FAT1: variants seen among roughly 807,000 people sequenced by gnomAD.
The protein encoded by FAT1 is FAT atypical cadherin 1.
FAT1 carries 171 observed loss-of-function variants against 329.8 expected under a neutral mutation model. The ratio of observed to expected loss-of-function variants is 0.52; its 90% CI spans 0.46 to 0.59. FAT1 has a LOEUF of 0.59. Among genes scored for constraint, FAT1 ranks in the 20% least tolerant of loss-of-function variants. The probability of loss-of-function intolerance (pLI) is 0.00; values close to 1 mark genes in which losing one functional copy is unlikely to be tolerated. For missense variants in FAT1, 5,672 were observed against 5,774.4 expected (o/e 0.98, Z 0.57); for synonymous variants, 2,233 against 2,228.6 (o/e 1.00, Z -0.06).
At position 186,709,373 on chromosome 4, in the gene FAT1, G is replaced by C. The variant is rs1384990711; in HGVS notation, c.455C>G (p.Thr152Ser). The change falls in exon 2 of 27, where the codon ACC becomes AGC. Residue 152 changes from threonine to serine, a missense_variant. Thr to Ser is a moderately conservative substitution (Grantham distance 58, BLOSUM62 1). Coordinates refer to ENST00000441802, the MANE Select transcript of FAT1 (RefSeq NM_005245.4). ...TTCAGGTAAAGAAACGCTGTATGAG[G>C]TGGGTGAGAATAACGGTCTCAAGTC... ...TNDLRPLFSPTSYSVSLPENT... is the reference protein window; with the variant it reads ...TNDLRPLFSPSSYSVSLPENT... 2 of 1,613,860 alleles carry C rather than the reference G, an allele frequency of 1.2e-6. No individual in the cohort carries two copies. The highest frequency in any genetic ancestry group is 2.7e-5 in the African/African-American group (2 of 74,906).
At position 186,597,993 on chromosome 4, in the gene FAT1, C is replaced by T. The variant is rs2126401717; in HGVS notation, c.12236G>A (p.Arg4079Lys). The change falls in exon 23 of 27, where the codon AGA becomes AAA. Residue 4079 changes from arginine (R) to lysine (K), a missense_variant. Arg to Lys is a conservative substitution (Grantham distance 26). Around this residue, in one of 2 missense-constraint regions of FAT1, gnomAD observed 1,706 missense variants for 1,859.1 expected, o/e 0.92. Coordinates refer to ENST00000441802, the MANE Select transcript of FAT1 (RefSeq NM_005245.4). The part of the protein sequence containing the change: ...VDNGGFVCQC[R>K]GLYTGQRCQL... ...ATACCTCTGACCAGTATATAATCCTCTACACTGGCAAACAAAGCCTCCGTT... is the reference window on the plus strand; with the variant it reads ...ATACCTCTGACCAGTATATAATCCTTTACACTGGCAAACAAAGCCTCCGTT... 6.2e-7 allele frequency: 1 copy of T among 1,612,902 alleles called. No individual in the cohort carries two copies. The highest frequency in any genetic ancestry group is 8.5e-7 in the Non-Finnish European group (1 of 1,179,620).
rs373932048 is a variant in FAT1 at position 186,709,044 on chromosome 4, A to T, written c.784T>A (p.Leu262Met). The T allele has an allele frequency of 2.5e-6, 4 of 1,613,802 alleles. No individual in the cohort carries two copies. Among genetic ancestry groups the T allele is most frequent in the Non-Finnish European group, 3.4e-6 (4 of 1,179,872 alleles). The part of the protein sequence containing the change: ...ECAPVITAVT[L>M]SPSELDRDPA... ...TCCCTGTCCAGTTCTGATGGTGACAATGTCACTGCTGTTATCACCGGAGCA... is the reference window on the plus strand; with the variant it reads ...TCCCTGTCCAGTTCTGATGGTGACATTGTCACTGCTGTTATCACCGGAGCA... The change falls in exon 2 of 27, where the codon TTG becomes ATG. Residue 262 changes from leucine (L) to methionine (M), a missense_variant. By Grantham distance (15) the Leu-to-Met change is conservative. Around this residue, in one of 2 missense-constraint regions of FAT1, gnomAD observed 3,966 missense variants for 3,915.2 expected, o/e 1.01. Transcript: ENST00000441802.
intron 2 of FAT1, among the ~76,000 whole-genome samples, chr4:186,699,660 A>G (rs906722740): frequency 2.6e-5 from 4 of 151,802 alleles, no homozygotes; most frequent in African/African-American, 9.7e-5. Context: ...TGTATGGAGC[A>G]TGCACTATTT....
At chr4:186,610,175 A>G (rs1739336093) in intron 14 of FAT1, 160 bp from the exon 15 acceptor site, 2 of 589,510 alleles carry the variant, frequency 3.4e-6, no homozygotes, top group Middle Eastern at 4.5e-4. Context: ...AACAATTAAA[A>G]ACTATGAATC....
intron 22 of FAT1, 91 bp downstream of exon 22, chr4:186,599,807 A>G: frequency 9.9e-7 from 1 of 1,007,790 alleles, no homozygotes. Flanking sequence ...ATCTGAATCA[A>G]AAGAGAAAAA....
chr4:186,622,452 C>T (rs917785624), intron 9 of FAT1, among the ~76,000 whole-genome samples: 3 of 152,168 alleles, frequency 2.0e-5, no homozygotes, highest in African/African-American at 7.2e-5. Flanking sequence ...GAGGGTGCTC[C>T]TGGCGTCTCG....
At chr4:186,690,779 C>A (rs1037498116) in intron 2 of FAT1, among the ~76,000 whole-genome samples, 3 of 152,024 alleles carry the variant, frequency 2.0e-5, no homozygotes, top group African/African-American at 7.2e-5. Context: ...TCTAAACTTG[C>A]ATTTGAAATG....
intron 1 of FAT1, among the ~76,000 whole-genome samples, chr4:186,719,465 G>A (rs922897460): frequency 1.3e-5 from 2 of 152,088 alleles, no homozygotes; most frequent in African/African-American, 4.8e-5. Context: ...AGAGACCAAG[G>A]GACAACTATA....
Position 186,620,177 on chromosome 4 carries a change from G to A in FAT1, c.6409C>T (p.Leu2137=), listed in dbSNP as rs746638999. 3 of 1,613,882 alleles carry A rather than the reference G, an allele frequency of 1.9e-6. No individual in the cohort carries two copies. The highest frequency in any genetic ancestry group is 2.5e-6 in the Non-Finnish European group (3 of 1,179,894). Residue 2137 remains leucine (L), a synonymous_variant, in exon 10 of 27, where the codon CTG becomes TTG. Transcript: ENST00000441802. The part of the protein sequence containing the change: ...FQIGPLGEIS[L]KKQFELDTLN... Reference sequence around the variant, plus strand: ...GTGTCAAGCTCAAATTGCTTTTTCAGTGAAATTTCACCCAAGGGTCCAATT... The same window carrying A: ...GTGTCAAGCTCAAATTGCTTTTTCAATGAAATTTCACCCAAGGGTCCAATT...
chr4:186,716,615 A>G (rs1745219247), intron 1 of FAT1, among the ~76,000 whole-genome samples: 1 of 151,986 alleles, frequency 6.6e-6, no homozygotes, highest in African/African-American at 2.4e-5. Flanking sequence ...ATGGGGTTTC[A>G]CCATGTTGCC....
At position 186,685,422 on chromosome 4, in the gene FAT1, T is replaced by C. The variant is rs574215959; in HGVS notation, c.3265+21141A>G. On this transcript the variant is annotated intron_variant, in intron 2 of 26. Transcript: ENST00000441802. ...GAAGGTTAAAAATTCCTATCTCAAA[T>C]GAAACATCTTCACTAAGATTTTCTA... 1.1e-3 allele frequency among the ~76,000 whole-genome samples: 163 copies of C among 152,342 alleles called. 1 individual carries two copies. The highest frequency in any genetic ancestry group is 2.5e-4 in the Non-Finnish European group (17 of 68,026).
chr4:186,618,394 C>A lies in FAT1; in HGVS notation c.8192G>T (p.Gly2731Val), dbSNP rs2126494521. The part of the protein sequence containing the change: ...EIDLIRAEHS[G>V]TVLYSLVKGN... ...TTTGACCAGGCTGTAAAGAACAGTC[C>A]CACTATGTTCTGCTCGGATGAGATC... The change falls in exon 10 of 27, where the codon GGG (glycine) becomes GTG (valine). Residue 2731 changes from glycine (G) to valine (V), a missense_variant. Gly to Val is a moderately radical substitution (Grantham distance 109). Coordinates refer to ENST00000441802, the MANE Select transcript of FAT1 (RefSeq NM_005245.4). 6.2e-7 allele frequency: 1 copy of A among 1,614,004 alleles called. No homozygotes were observed. Among genetic ancestry groups the A allele is most frequent in the Non-Finnish European group, 8.5e-7 (1 of 1,179,900 alleles).
At chr4:186,685,744 C>T (rs1343239323) in intron 2 of FAT1, among the ~76,000 whole-genome samples, 2 of 152,214 alleles carry the variant, frequency 1.3e-5, no homozygotes, top group African/African-American at 4.8e-5. Flanking sequence ...GTAAGAGACT[C>T]GTATTCCCTT....
chr4:186,621,080 C>T lies in FAT1; in HGVS notation c.5506G>A (p.Asp1836Asn), dbSNP rs945910921. ...TGAIHTVLSL[D>N]YEETSIFHFT... is the part of the protein sequence containing the mutation. ...TGAAAAATACTTGTTTCTTCATAGT[C>T]CAGACTTAGTACTGTATGAATAGCA... Residue 1836 changes from aspartate (D) to asparagine (N), a missense_variant, in exon 10 of 27, where the codon GAC becomes AAC. Coordinates refer to ENST00000441802, the MANE Select transcript of FAT1 (RefSeq NM_005245.4). 15 of 1,613,338 alleles carry T rather than the reference C, an allele frequency of 9.3e-6. No individual in the cohort carries two copies. Among genetic ancestry groups the T allele is most frequent in the East Asian group, 2.2e-5 (1 of 44,902 alleles).
At chr4:186,716,842 G>A (rs183140011) in intron 1 of FAT1, among the ~76,000 whole-genome samples, 2 of 152,194 alleles carry the variant, frequency 1.3e-5, no homozygotes, top group East Asian at 1.9e-4. Flanking sequence ...GGAGCACAGC[G>A]GTGCAATCGT....
intron 2 of FAT1, among the ~76,000 whole-genome samples, chr4:186,684,986 G>T (rs1220058231): frequency 1.3e-5 from 2 of 152,156 alleles, no homozygotes; most frequent in East Asian, 3.9e-4. Context: ...TATCTAAAGG[G>T]AAGAAAGTCA....
intron 2 of FAT1, among the ~76,000 whole-genome samples, chr4:186,675,607 A>C (rs142341959): frequency 6.6e-6 from 1 of 152,130 alleles, no homozygotes; most frequent in African/African-American, 2.4e-5. Context: ...TCTCTACTAA[A>C]AATACAAAAA....
intron 15 of FAT1, among the ~76,000 whole-genome samples, chr4:186,609,525 A>T (rs1392392290): frequency 6.6e-6 from 1 of 151,356 alleles, no homozygotes; most frequent in Non-Finnish European, 1.5e-5. Context: ...CACACCATTC[A>T]CCTGTCTCAG....
At chr4:186,601,610 G>A in intron 20 of FAT1, 184 bp from the exon 21 acceptor site, 1 of 450,182 alleles carries the variant, frequency 2.2e-6, no homozygotes, top group Non-Finnish European at 3.9e-6. Context: ...CTGGCTCTCT[G>A]TTTGGAAAGA....
Sources: allele counts gnomAD v4.1 joint callset (sites outside exome capture counted in the v4.1 genomes callset), GRCh38; gene constraint gnomAD v4.1.1; regional missense constraint gnomAD v4.1.1; transcripts MANE v1.5; gene names NCBI Gene and HGNC (gene_info 2026-07-23, HGNC 2026-07-21).